HMBOX1: variants seen among roughly 807,000 people sequenced by gnomAD.
The protein encoded by HMBOX1 is homeobox-containing protein 1.
A neutral mutation model predicts 54.5 loss-of-function variants in HMBOX1; 14 were observed. That is an observed-to-expected ratio of 0.26 (90% confidence interval 0.17 to 0.40). The LOEUF is 0.40. Among genes scored for constraint, HMBOX1 ranks in the 10% least tolerant of loss-of-function variants. The pLI is 1.00. For missense variants in HMBOX1, 332 were observed against 514.4 expected (o/e 0.65, Z 3.43); for synonymous variants, 160 against 181.0 (o/e 0.88, Z 0.93).
chr8:28,961,166 A>G (rs1206868911), intron 1 of HMBOX1, among the ~76,000 whole-genome samples: 1 of 151,980 alleles, frequency 6.6e-6, no homozygotes, highest in East Asian at 1.9e-4. Context: ...TATATCCCTA[A>G]TGCCTTTTAA....
chr8:28,978,008 T>G (rs1430262527), intron 3 of HMBOX1, among the ~76,000 whole-genome samples: 1 of 151,834 alleles, frequency 6.6e-6, no homozygotes, highest in Non-Finnish European at 1.5e-5. Context: ...TTGGGAAGAA[T>G]CTAACCAGAA....
intron 6 of HMBOX1, among the ~76,000 whole-genome samples, chr8:29,026,860 G>A (rs1364685004): frequency 6.6e-6 from 1 of 152,162 alleles, no homozygotes; most frequent in African/African-American, 2.4e-5. Context: ...ATTAATATAT[G>A]TTACAACCTT....
Position 29,045,453 on chromosome 8 carries a change from C to T in HMBOX1, c.934+10C>T. 1 of 1,610,138 alleles carries T rather than the reference C, an allele frequency of 6.2e-7. No homozygotes were observed. The highest frequency in any genetic ancestry group is 8.5e-7 in the Non-Finnish European group (1 of 1,176,504). On this transcript the variant is annotated intron_variant, in intron 7 of 9. Transcript: ENST00000287701. ...GTTATACAGAAGCCAGGTAAGGTCG[C>T]AGGCACAGCCTTGCTCTGCGGTGCA...
intron 4 of HMBOX1, among the ~76,000 whole-genome samples, chr8:28,985,707 A>G (rs888316478): frequency 1.3e-5 from 2 of 152,184 alleles, no homozygotes; most frequent in Admixed American, 6.5e-5. Context: ...AATTATAGCA[A>G]TTTCTTTACA....
At chr8:29,019,021 T>G (rs1800762227) in intron 6 of HMBOX1, 108 bp downstream of exon 6, 1 of 938,454 alleles carries the variant, frequency 1.1e-6, no homozygotes, top group African/African-American at 1.6e-5. Flanking sequence ...GTATCTTGGT[T>G]CTATCTCTAA....
intron 6 of HMBOX1, among the ~76,000 whole-genome samples, chr8:29,042,932 G>A (rs2133330901): frequency 6.6e-6 from 1 of 152,242 alleles, no homozygotes; most frequent in East Asian, 1.9e-4. Context: ...TTGAAGAGGA[G>A]GCATAGGTAA....
chr8:29,021,652 G>A (rs1172970259), intron 6 of HMBOX1, among the ~76,000 whole-genome samples: 6 of 151,752 alleles, frequency 4.0e-5, no homozygotes, highest in African/African-American at 9.7e-5. Context: ...CCAGGAGATC[G>A]AGAGCATCCT....
At chr8:28,905,708 C>A (rs985918549) in intron 1 of HMBOX1, among the ~76,000 whole-genome samples, 8 of 152,146 alleles carry the variant, frequency 5.3e-5, no homozygotes, top group African/African-American at 1.9e-4. Flanking sequence ...TACCAGCTGG[C>A]CTTATCCTAT....
chr8:29,046,812 T>A (rs1213607759), intron 7 of HMBOX1, among the ~76,000 whole-genome samples: 1 of 152,128 alleles, frequency 6.6e-6, no homozygotes, highest in Non-Finnish European at 1.5e-5. Context: ...CGAGACCCCA[T>A]CTCTACAAAA....
chr8:29,012,814 A>C (rs1275649273), intron 5 of HMBOX1, among the ~76,000 whole-genome samples: 1 of 152,136 alleles, frequency 6.6e-6, no homozygotes, highest in Admixed American at 6.5e-5. Flanking sequence ...AGGAAGAAAA[A>C]CTTAGGTTTA....
intron 4 of HMBOX1, 120 bp downstream of exon 4, chr8:28,980,276 T>A: frequency 5.4e-6 from 4 of 743,494 alleles, no homozygotes; most frequent in Non-Finnish European, 9.5e-6. Context: ...TAGGCATAAT[T>A]ATGTATGCCT....
chr8:28,972,061 C>A (rs1260498053), intron 3 of HMBOX1, among the ~76,000 whole-genome samples: 1 of 152,158 alleles, frequency 6.6e-6, no homozygotes, highest in African/African-American at 2.4e-5. Context: ...TCAAACTGTC[C>A]TGAATTTATT....
intron 4 of HMBOX1, among the ~76,000 whole-genome samples, chr8:29,005,824 T>C (rs549031130): frequency 1.3e-5 from 2 of 152,228 alleles, no homozygotes; most frequent in South Asian, 4.1e-4. Flanking sequence ...GAATCATATA[T>C]AGTTATGTAT....
intron 5 of HMBOX1, 155 bp downstream of exon 5, chr8:29,009,337 A>C (rs1833901673): frequency 3.1e-6 from 2 of 650,832 alleles, no homozygotes; most frequent in African/African-American, 4.0e-5. Flanking sequence ...TAAAAGCTAA[A>C]CCCTGACTGT....
Position 28,952,618 on chromosome 8 carries a change from AATCTTT to A in HMBOX1, c.-57-11189_-57-11184del, listed in dbSNP as rs1319860720. On this transcript the variant is annotated intron_variant, in intron 1 of 9. Coordinates refer to ENST00000287701, the MANE Select transcript of HMBOX1 (RefSeq NM_001135726.3). ...GCTGACTTGTGGAAAAAAAAAATTTAATCTTTATCAGTCCAGCCAGACAAATAGGTT... is the reference window on the plus strand; with the variant it reads ...GCTGACTTGTGGAAAAAAAAAATTTAATCAGTCCAGCCAGACAAATAGGTT... 1.6e-3 allele frequency among the ~76,000 whole-genome samples: 238 copies of A among 152,292 alleles called. 2 individuals are homozygous for A. The highest frequency in any genetic ancestry group is 5.5e-3 in the African/African-American group (229 of 41,554).
intron 6 of HMBOX1, among the ~76,000 whole-genome samples, chr8:29,019,363 A>G (rs1800817809): frequency 6.6e-6 from 1 of 151,988 alleles, no homozygotes; most frequent in African/African-American, 2.4e-5. Flanking sequence ...TTAGTAATTT[A>G]TCCTCTCATT....
Position 28,965,303 on chromosome 8 carries a change from AT to A in HMBOX1, c.23+1418del, listed in dbSNP as rs144200360. On this transcript the variant is annotated intron_variant, in intron 2 of 9. Coordinates refer to ENST00000287701, the MANE Select transcript of HMBOX1 (RefSeq NM_001135726.3). Reference sequence around the variant, plus strand: ...TATAAATGTGCATGTTTGTACTTGGATTTTTGTCACATATGGTAGAAATAAG... The same window carrying A: ...TATAAATGTGCATGTTTGTACTTGGATTTTGTCACATATGGTAGAAATAAG... Among the ~76,000 whole-genome samples the A allele has an allele frequency of 4.5e-4, 69 of 152,326 alleles. No homozygotes were observed. The East Asian group carries it at 0.012, about 26-fold the overall frequency.
intron 7 of HMBOX1, among the ~76,000 whole-genome samples, chr8:29,045,853 A>G (rs370528110): frequency 1.3e-5 from 2 of 152,334 alleles, no homozygotes; most frequent in South Asian, 2.1e-4. Flanking sequence ...GTAAAATGCT[A>G]TATTTCTCTT....
chr8:28,995,484 C>T (rs996046904), intron 4 of HMBOX1, among the ~76,000 whole-genome samples: 1 of 152,082 alleles, frequency 6.6e-6, no homozygotes, highest in Non-Finnish European at 1.5e-5. Flanking sequence ...GATAAGTTTT[C>T]GAGTGGACAG....
Sources: gnomAD v4.1 joint callset for allele counts (sites outside exome capture counted in the v4.1 genomes callset) on GRCh38, gnomAD v4.1.1 for gene constraint, MANE v1.5 for transcripts, NCBI Gene and HGNC (gene_info 2026-07-23, HGNC 2026-07-21) for gene names.